The following NCAPH variants were observed in gnomAD, a reference collection of about 807,000 sequenced individuals.
NCAPH encodes condensin complex subunit 2.
A neutral mutation model predicts 85.5 loss-of-function variants in NCAPH; 38 were observed. The ratio of observed to expected loss-of-function variants is 0.44; its 90% CI spans 0.34 to 0.58. The LOEUF is 0.58. NCAPH is among the 20% of genes least tolerant of loss of function. NCAPH has a pLI of 0.01. For synonymous variants in NCAPH, 301 were observed against 335.1 expected (o/e 0.90, Z 1.11); for missense variants, 789 against 916.6 (o/e 0.86, Z 1.80).
At chr2:96,361,804 G>GTATATACATATATATATATATATA (rs1268102789) in intron 12 of NCAPH, among the ~76,000 whole-genome samples, 1 of 74,690 alleles carries the variant, frequency 1.3e-5, no homozygotes, top group East Asian at 3.9e-4. Context: ...GTATATATAT[G>GTATATACATATATATATATATATA]TGTATATATA....
chr2:96,351,667 C>CAAA (rs368668931), intron 6 of NCAPH, among the ~76,000 whole-genome samples, 164 bp from the exon 7 acceptor site: 3 of 54,240 alleles, frequency 5.5e-5, no homozygotes, highest in Admixed American at 2.1e-4. Context: ...GACTCCATCT[C>CAAA]AAAAAAAAAA....
intron 17 of NCAPH, among the ~76,000 whole-genome samples, chr2:96,370,421 C>T (rs1285890375): frequency 6.6e-6 from 1 of 152,156 alleles, no homozygotes; most frequent in Non-Finnish European, 1.5e-5. Flanking sequence ...AAATGGGGTG[C>T]TGGTGGAAGC....
In NCAPH at chr2:96,374,983, A is replaced by G. The variant is rs1183065744; in HGVS notation, c.*1632A>G. ...TAGCGCTTTGAAAGGAAGAGGCAGG[A>G]GGATTGCTTGAAGTCAGGAGTTCAA... On this transcript the variant is annotated 3_prime_UTR_variant, in exon 18 of 18. Coordinates refer to ENST00000240423, the MANE Select transcript of NCAPH (RefSeq NM_015341.5). Among the ~76,000 whole-genome samples the G allele has an allele frequency of 6.6e-6, 1 of 152,186 alleles. No homozygotes were observed. Among genetic ancestry groups the G allele is most frequent in the Non-Finnish European group, 1.5e-5 (1 of 68,042 alleles).
At position 96,360,238 on chromosome 2, in the gene NCAPH, A is replaced by G; in HGVS notation, c.1453A>G (p.Arg485Gly). 2.7e-6 allele frequency: 4 copies of G among 1,476,908 alleles called. No individual in the cohort carries two copies. The highest frequency in any genetic ancestry group is 3.8e-6 in the Non-Finnish European group (4 of 1,060,392). The allele number at this position is 1,476,908 out of a possible 1,614,324, so 91.5% of individuals were successfully genotyped here. A position where few individuals can be genotyped will look rare whatever the true frequency, so the allele number is the denominator to read the frequency against. Reference protein sequence around the residue: ...EDDIDFDVYFRKTKAATILTK... With the variant: ...EDDIDFDVYFGKTKAATILTK... ...TGATATTGACTTTGATGTATATTTTAGAAAAACAAAGGTTTGTACTGAATT... is the reference window on the plus strand; with the variant it reads ...TGATATTGACTTTGATGTATATTTTGGAAAAACAAAGGTTTGTACTGAATT... The change falls in exon 11 of 18, where the codon AGA becomes GGA. Residue 485 changes from arginine to glycine, a missense_variant. Coordinates refer to ENST00000240423, the MANE Select transcript of NCAPH (RefSeq NM_015341.5).
chr2:96,367,348 T>C lies in NCAPH; in HGVS notation c.1973T>C (p.Leu658Pro). ...AGCATGTGGAGTCTGCTGACAGCGCTCTCCGGAAAGGAGGCAGATGCAGAG... is the reference window on the plus strand; with the variant it reads ...AGCATGTGGAGTCTGCTGACAGCGCCCTCCGGAAAGGAGGCAGATGCAGAG... ...KQSMWSLLTA[L>P]SGKEADAEAN... Residue 658 changes from leucine (L) to proline (P), a missense_variant, in exon 15 of 18, where the codon CTC becomes CCC. Transcript: ENST00000240423. 3 of 1,613,442 alleles carry C rather than the reference T, an allele frequency of 1.9e-6. No homozygotes were observed. Among genetic ancestry groups the C allele is most frequent in the Non-Finnish European group, 1.7e-6 (2 of 1,179,486 alleles).
At chr2:96,340,340 C>G (rs906881192) in intron 1 of NCAPH, among the ~76,000 whole-genome samples, 1 of 151,550 alleles carries the variant, frequency 6.6e-6, no homozygotes, top group African/African-American at 2.4e-5. Context: ...GGATTAGATA[C>G]CCACCTATCT....
intron 15 of NCAPH, among the ~76,000 whole-genome samples, chr2:96,368,698 T>C (rs146518178): frequency 0.01 from 1,523 of 152,298 alleles, 7 homozygotes; most frequent in Middle Eastern, 0.037. Context: ...ACTGCTTTTT[T>C]TTCTTGTTTG....
intron 6 of NCAPH, among the ~76,000 whole-genome samples, 155 bp from the exon 7 acceptor site, chr2:96,351,676 A>C (rs936525084): frequency 3.8e-4 from 58 of 152,058 alleles, no homozygotes; most frequent in Non-Finnish European, 6.3e-4. Flanking sequence ...TCAAAAAAAA[A>C]AAAAAAAAAC....
At position 96,375,693 on chromosome 2, in the gene NCAPH, A is replaced by G. The variant is rs574037048; in HGVS notation, c.*2342A>G. On this transcript the variant is annotated 3_prime_UTR_variant, in exon 18 of 18. Transcript: ENST00000240423. ...GGTATGCAAGATAAGTTTATTTTAT[A>G]TAAAATACTTTGGGAAGTAGGTGTT... Among the ~76,000 whole-genome samples the G allele has an allele frequency of 6.6e-6, 1 of 152,358 alleles. No homozygotes were observed. The highest frequency in any genetic ancestry group is 2.1e-4 in the South Asian group (1 of 4,826).
intron 12 of NCAPH, among the ~76,000 whole-genome samples, chr2:96,361,824 A>G (rs1423022951): frequency 8.3e-6 from 1 of 120,264 alleles, no homozygotes; most frequent in African/African-American, 3.2e-5. Flanking sequence ...ATATATATAT[A>G]TATATTTTTT....
At chr2:96,370,263 C>T (rs1332783521) in intron 17 of NCAPH, among the ~76,000 whole-genome samples, 1 of 152,248 alleles carries the variant, frequency 6.6e-6, no homozygotes, top group Non-Finnish European at 1.5e-5. Context: ...GTGCGGCAAG[C>T]ACCACCCTGG....
rs557257358 is a variant in NCAPH at position 96,354,388 on chromosome 2, A to C, written c.1208A>C (p.Gln403Pro). Reference protein sequence around the residue: ...WKEPCQVQSCQEEMISLGDGD... With the variant: ...WKEPCQVQSCPEEMISLGDGD... ...GAGCCCTGCCAGGTTCAGAGCTGCC[A>C]GTAAGGCTCTCAGAGTCCGAAAGTG... Residue 403 changes from glutamine to proline, a missense_variant and splice_region_variant, in exon 9 of 18, where the codon CAG becomes CCG. Transcript: ENST00000240423. 2.5e-6 allele frequency: 4 copies of C among 1,574,570 alleles called. No individual in the cohort carries two copies. The East Asian group carries it at 9.3e-5, about 37-fold the overall frequency.
At chr2:96,360,803 G>A (rs1329525394) in intron 12 of NCAPH, 93 bp downstream of exon 12, 2 of 1,495,902 alleles carry the variant, frequency 1.3e-6, no homozygotes, top group Admixed American at 1.9e-5. Flanking sequence ...AAGGGAGAAT[G>A]TGAGGAGTGG....
At chr2:96,347,894 G>T (rs2064381986) in intron 6 of NCAPH, among the ~76,000 whole-genome samples, 1 of 152,152 alleles carries the variant, frequency 6.6e-6, no homozygotes. Flanking sequence ...GGGGCCAGAG[G>T]AAGGAGAGTC....
chr2:96,370,883 G>A (rs558865025), intron 17 of NCAPH, among the ~76,000 whole-genome samples: 32 of 152,170 alleles, frequency 2.1e-4, no homozygotes, highest in Non-Finnish European at 4.0e-4. Context: ...TTTTAACCCA[G>A]GAATGCTGAA....
At chr2:96,335,982 A>C (rs2064207623) in intron 1 of NCAPH, 134 bp downstream of exon 1, 1 of 652,270 alleles carries the variant, frequency 1.5e-6, no homozygotes, top group Non-Finnish European at 2.2e-6. Flanking sequence ...TGCGGCTGAC[A>C]GCAGAGGCCG....
chr2:96,366,863 C>T (rs539079820), intron 14 of NCAPH, among the ~76,000 whole-genome samples: 17 of 120,536 alleles, frequency 1.4e-4, no homozygotes, highest in African/African-American at 4.6e-4. Context: ...GGCAACAGGT[C>T]GAGACTCCGT....
At chr2:96,373,030 T>A (rs1193843440) in intron 17 of NCAPH, among the ~76,000 whole-genome samples, 1 of 152,120 alleles carries the variant, frequency 6.6e-6, no homozygotes, top group Non-Finnish European at 1.5e-5. Context: ...GGCTCAGCTC[T>A]TAGGCCCTTT....
At chr2:96,360,319 G>T (rs151191881) in intron 11 of NCAPH, 70 bp downstream of exon 11, 38 of 992,992 alleles carry the variant, frequency 3.8e-5, no homozygotes, top group South Asian at 3.6e-4. Flanking sequence ...TTAAAATTCC[G>T]TATAAATTTA....
Sources: gnomAD v4.1 joint callset for allele counts (sites outside exome capture counted in the v4.1 genomes callset) on GRCh38, gnomAD v4.1.1 for gene constraint, MANE v1.5 for transcripts, NCBI Gene and HGNC (gene_info 2026-07-23, HGNC 2026-07-21) for gene names.